Variants in LTBP1 observed in about 807,000 individuals in gnomAD.
The protein encoded by LTBP1 is latent-transforming growth factor beta-binding protein 1.
In LTBP1, 129 loss-of-function variants were observed where a neutral mutation model predicts 207.6. That is an observed-to-expected ratio of 0.62 (90% CI 0.54 to 0.72). The LOEUF (loss-of-function observed/expected upper bound fraction) is 0.72. Among genes scored for constraint, LTBP1 ranks in the 30% least tolerant of loss-of-function variants. LTBP1 has a pLI of 0.00. For missense variants in LTBP1, 2,281 were observed against 2,217.2 expected (o/e 1.03, Z -0.58); for synonymous variants, 963 against 833.7 (o/e 1.16, Z -2.67).
intron 9 of LTBP1, among the ~76,000 whole-genome samples, chr2:33,233,787 G>C (rs58780431): frequency 0.051 from 7,774 of 151,886 alleles, 256 homozygotes; most frequent in African/African-American, 0.094. Context: ...TTTACTTTTT[G>C]TTCATGATTG....
rs576745373 is a variant in LTBP1 at position 32,996,508 on chromosome 2, C to T, written c.566-24401C>T. Among the ~76,000 whole-genome samples the T allele has an allele frequency of 2.3e-4, 35 of 152,256 alleles. 1 individual carries two copies. The South Asian group carries it at 3.1e-3, about 14-fold the overall frequency. ...CATTTATTTAATAAATAGTTTTTTACGCCTACTGTGTACTCAGAGCTGTGC... is the reference window on the plus strand; with the variant it reads ...CATTTATTTAATAAATAGTTTTTTATGCCTACTGTGTACTCAGAGCTGTGC... On this transcript the variant is annotated intron_variant, in intron 2 of 33. Coordinates refer to ENST00000404816, the MANE Select transcript of LTBP1 (RefSeq NM_206943.4).
rs187732737 is a variant in LTBP1 at position 33,246,642 on chromosome 2, A to G, written c.1999+2858A>G. ...CATGAATTTAGGCCATATCCAGAGC[A>G]TACAAGGTGTGGCTGACTCTCTGAA... On this transcript the variant is annotated intron_variant, in intron 10 of 33. Transcript: ENST00000404816. Among the ~76,000 whole-genome samples the G allele has an allele frequency of 1.5e-4, 23 of 152,342 alleles. No homozygotes were observed. In the East Asian group the frequency reaches 2.5e-3, roughly 17 times the overall value.
At chr2:32,996,779 T>C (rs141394047) in intron 2 of LTBP1, among the ~76,000 whole-genome samples, 222 of 152,292 alleles carry the variant, frequency 1.5e-3, no homozygotes, top group Non-Finnish European at 1.4e-3. Context: ...ACTGTCTAAC[T>C]TGCAAGGGGC....
chr2:33,132,154 TTG>T (rs2081847528), intron 4 of LTBP1, among the ~76,000 whole-genome samples: 1 of 152,146 alleles, frequency 6.6e-6, no homozygotes. Context: ...TGGGAAAATG[TTG>T]TCTCTTTTTT....
At chr2:33,205,562 C>T (rs949752105) in intron 7 of LTBP1, among the ~76,000 whole-genome samples, 1 of 152,218 alleles carries the variant, frequency 6.6e-6, no homozygotes, top group African/African-American at 2.4e-5. Context: ...CATCATGTTA[C>T]TGCCATGTTA....
At chr2:33,168,044 C>A (rs568740041) in intron 5 of LTBP1, among the ~76,000 whole-genome samples, 1 of 152,088 alleles carries the variant, frequency 6.6e-6, no homozygotes, top group Non-Finnish European at 1.5e-5. Flanking sequence ...CACCATCTAG[C>A]CCCTGTTAGA....
At chr2:33,038,075 A>G (rs1262663411) in intron 3 of LTBP1, among the ~76,000 whole-genome samples, 2 of 152,228 alleles carry the variant, frequency 1.3e-5, no homozygotes, top group African/African-American at 2.4e-5. Flanking sequence ...TCTGCTTTTA[A>G]CAAGTCTCCT....
At chr2:33,316,373 T>TCTG (rs2094272545) in intron 24 of LTBP1, among the ~76,000 whole-genome samples, 1 of 152,240 alleles carries the variant, frequency 6.6e-6, no homozygotes. Context: ...ACAGGAAGTA[T>TCTG]CTGCTCTCCT....
At chr2:32,972,822 T>C (rs180782776) in intron 2 of LTBP1, among the ~76,000 whole-genome samples, 1 of 152,306 alleles carries the variant, frequency 6.6e-6, no homozygotes, top group East Asian at 1.9e-4. Context: ...CTGTCATAAT[T>C]GTAAGTTTCC....
intron 7 of LTBP1, among the ~76,000 whole-genome samples, chr2:33,205,960 C>T (rs533142504): frequency 2.6e-5 from 4 of 152,186 alleles, no homozygotes; most frequent in Non-Finnish European, 2.9e-5. Flanking sequence ...CAAAAATCCA[C>T]CATGTTGGTA....
intron 2 of LTBP1, among the ~76,000 whole-genome samples, chr2:33,003,633 G>A (rs1453995612): frequency 3.3e-5 from 5 of 152,194 alleles, no homozygotes; most frequent in Admixed American, 1.3e-4. Context: ...CAGGCAGGGT[G>A]GTAGAGCTTC....
At chr2:33,196,068 G>GA (rs1329270537) in intron 7 of LTBP1, among the ~76,000 whole-genome samples, 2 of 152,216 alleles carry the variant, frequency 1.3e-5, no homozygotes, top group African/African-American at 4.8e-5. Context: ...CGACAGTATA[G>GA]TGTAAACATG....
At chr2:33,098,964 C>A (rs2079551127) in intron 3 of LTBP1, among the ~76,000 whole-genome samples, 1 of 152,142 alleles carries the variant, frequency 6.6e-6, no homozygotes, top group Non-Finnish European at 1.5e-5. Flanking sequence ...GGCTATGAGT[C>A]CTGTTGTTCT....
intron 2 of LTBP1, among the ~76,000 whole-genome samples, chr2:33,002,957 C>T (rs775633024): frequency 4.6e-5 from 7 of 152,288 alleles, no homozygotes; most frequent in South Asian, 2.1e-4. Context: ...GGATTACAGG[C>T]GTAAGCGACC....
chr2:33,301,028 A>G (rs1181732290), intron 21 of LTBP1, among the ~76,000 whole-genome samples: 3 of 152,228 alleles, frequency 2.0e-5, no homozygotes, highest in Non-Finnish European at 4.4e-5. Context: ...TCTCAATAAA[A>G]CTGTAATAAT....
chr2:33,296,421 C>A (rs1248557568), intron 20 of LTBP1, among the ~76,000 whole-genome samples: 1 of 152,014 alleles, frequency 6.6e-6, no homozygotes, highest in Non-Finnish European at 1.5e-5. Context: ...GATTATCCTG[C>A]CTTTCATATT....
intron 5 of LTBP1, among the ~76,000 whole-genome samples, chr2:33,155,211 G>A (rs563124921): frequency 2.6e-4 from 40 of 151,966 alleles, no homozygotes; most frequent in South Asian, 8.3e-4. Flanking sequence ...AACTACAGGC[G>A]CGCGCCACCA....
At chr2:33,175,825 TAA>T (rs35218436) in intron 5 of LTBP1, among the ~76,000 whole-genome samples, 13 of 148,814 alleles carry the variant, frequency 8.7e-5, no homozygotes, top group African/African-American at 3.0e-4. Flanking sequence ...TATGCAGCCA[TAA>T]AAAAATGATG....
chr2:32,952,090 G>T (rs746450240), intron 2 of LTBP1, among the ~76,000 whole-genome samples: 1 of 152,212 alleles, frequency 6.6e-6, no homozygotes, highest in Non-Finnish European at 1.5e-5. Flanking sequence ...TGTGTAAGAG[G>T]TTGGAAGTGT....
Sources: gnomAD v4.1 joint callset for allele counts (sites outside exome capture counted in the v4.1 genomes callset) on GRCh38, gnomAD v4.1.1 for gene constraint, MANE v1.5 for transcripts, NCBI Gene and HGNC (gene_info 2026-07-23, HGNC 2026-07-21) for gene names.